The following SLC4A10 variants were observed in gnomAD, a reference collection of about 807,000 sequenced individuals.
SLC4A10 encodes solute carrier family 4 member 10, also known as sodium-driven chloride bicarbonate exchanger.
In SLC4A10, 42 loss-of-function variants were observed where a neutral mutation model predicts 137.7. The observed-to-expected ratio is 0.30, with a 90% CI of 0.24 to 0.39. The LOEUF (loss-of-function observed/expected upper bound fraction) is 0.39. Ranked by LOEUF, SLC4A10 falls within the 10% of genes least tolerant of loss-of-function variation. The pLI is 1.00. For synonymous variants in SLC4A10, 474 were observed against 464.1 expected (o/e 1.02, Z -0.27); for missense variants, 925 against 1,355.0 (o/e 0.68, Z 4.98).
intron 15 of SLC4A10, among the ~76,000 whole-genome samples, chr2:161,920,277 G>A (rs1189846592): frequency 3.9e-5 from 6 of 152,148 alleles, no homozygotes; most frequent in Non-Finnish European, 8.8e-5. Context: ...ACACCCCGGG[G>A]ACCTCATGAC....
intron 1 of SLC4A10, among the ~76,000 whole-genome samples, chr2:161,650,536 G>C (rs1193945035): frequency 6.6e-6 from 1 of 152,100 alleles, no homozygotes; most frequent in Admixed American, 6.5e-5. Flanking sequence ...AGCTGCAGCA[G>C]CCTAGCTGTG....
In SLC4A10 at chr2:161,624,488, C is replaced by G. The variant is rs1350149043; in HGVS notation, c.-31C>G. 3.2e-6 allele frequency: 5 copies of G among 1,551,926 alleles called. No individual in the cohort carries two copies. Among genetic ancestry groups the G allele is most frequent in the Non-Finnish European group, 4.4e-6 (5 of 1,147,178 alleles). On this transcript the variant is annotated 5_prime_UTR_variant, in exon 1 of 27. Transcript: ENST00000446997. The stretch of plus-strand genomic sequence containing the variant: ...GTAAGACACTGAAGACACTGCAGAG[C>G]AAGGTGCTTATTCCAGAGGCGTTAC...
intron 2 of SLC4A10, among the ~76,000 whole-genome samples, chr2:161,774,373 T>A (rs1176612660): frequency 6.6e-6 from 1 of 151,932 alleles, no homozygotes; most frequent in East Asian, 1.9e-4. Flanking sequence ...TATAGGTACA[T>A]CCCATGCAAT....
chr2:161,957,338 G>C, intron 20 of SLC4A10, 98 bp downstream of exon 20: 1 of 1,344,064 alleles, frequency 7.4e-7, no homozygotes, highest in South Asian at 1.5e-5. Context: ...CAAATATTGT[G>C]TGGCATGTGA....
rs759980079 is a variant in SLC4A10, at chr2:161,677,307, C to T, written c.48+52741C>T. Among the ~76,000 whole-genome samples the T allele has an allele frequency of 3.3e-5, 5 of 152,130 alleles. No homozygotes were observed. The South Asian group carries it at 6.2e-4, about 19-fold the overall frequency. On this transcript the variant is annotated intron_variant, in intron 1 of 26. Transcript: ENST00000446997. Reference sequence around the variant, plus strand: ...TCACTGGAAGCAGATGCTGGTGCCACGCTTCTTGTACAGCCTGCAGAACCA... The same window carrying T: ...TCACTGGAAGCAGATGCTGGTGCCATGCTTCTTGTACAGCCTGCAGAACCA...
intron 1 of SLC4A10, among the ~76,000 whole-genome samples, chr2:161,765,646 A>T (rs1427601799): frequency 6.6e-6 from 1 of 151,858 alleles, no homozygotes; most frequent in Admixed American, 6.6e-5. Flanking sequence ...ATGGTGTACA[A>T]GGGTAGATTG....
rs2105363961 is a variant in SLC4A10 at position 161,625,489 on chromosome 2, A to G, written c.48+923A>G. Among the ~76,000 whole-genome samples, 2 of 152,138 alleles carry G rather than the reference A, an allele frequency of 1.3e-5. 1 individual carries two copies. The highest frequency in any genetic ancestry group is 6.8e-3 in the Middle Eastern group (2 of 294). On this transcript the variant is annotated intron_variant, in intron 1 of 26. Coordinates refer to ENST00000446997, the MANE Select transcript of SLC4A10 (RefSeq NM_001178015.2). ...CTTCCAGCCATCTATCAGTGCTACC[A>G]CAGCAGAAATCCCCTCCCTGCACCA...
intron 9 of SLC4A10, among the ~76,000 whole-genome samples, chr2:161,880,193 C>T (rs1397735957): frequency 6.6e-6 from 1 of 152,068 alleles, no homozygotes; most frequent in Non-Finnish European, 1.5e-5. Flanking sequence ...ATGGCTGGTG[C>T]CCTTTGTTTG....
chr2:161,873,927 C>T lies in SLC4A10; in HGVS notation c.870C>T (p.Gly290=). 1.3e-6 allele frequency: 2 copies of T among 1,593,518 alleles called. No individual in the cohort carries two copies. Among genetic ancestry groups the T allele is most frequent in the Non-Finnish European group, 1.7e-6 (2 of 1,177,630 alleles). Residue 290 remains glycine (G), a synonymous_variant, in exon 8 of 27, where the codon GGC becomes GGT. Transcript: ENST00000446997. Reference sequence around the variant, plus strand: ...AATTATGCGTGCAGGGACTGGGAGGCCAACAAAAGGGGCATACTAGTCCAT... The same window carrying T: ...AATTATGCGTGCAGGGACTGGGAGGTCAACAAAAGGGGCATACTAGTCCAT... ...STVDFSKGLG[G]QQKGHTSPCG...
chr2:161,722,578 C>T (rs2125127665), intron 1 of SLC4A10, among the ~76,000 whole-genome samples: 1 of 152,306 alleles, frequency 6.6e-6, no homozygotes, highest in East Asian at 1.9e-4. Flanking sequence ...GAGCACCAAC[C>T]TGATGCTGGC....
intron 9 of SLC4A10, among the ~76,000 whole-genome samples, chr2:161,882,053 G>C (rs2061830285): frequency 6.6e-6 from 1 of 151,320 alleles, no homozygotes; most frequent in Non-Finnish European, 1.5e-5. Context: ...CCTTCTCTAA[G>C]GATCATAGAA....
rs183971144 is a variant in SLC4A10, at chr2:161,960,210, A to G, written c.2862+1655A>G. Among the ~76,000 whole-genome samples the G allele has an allele frequency of 1.1e-4, 17 of 151,970 alleles. No homozygotes were observed. The East Asian group carries it at 3.3e-3, about 30-fold the overall frequency. The stretch of plus-strand genomic sequence containing the variant: ...GAAACCCCATCTCTACTAAAAATAT[A>G]AAAATTATCTGGGCATGGTGGTGGG... On this transcript the variant is annotated intron_variant, in intron 21 of 26. Coordinates refer to ENST00000446997, the MANE Select transcript of SLC4A10 (RefSeq NM_001178015.2).
intron 1 of SLC4A10, among the ~76,000 whole-genome samples, chr2:161,733,231 T>A (rs1051966554): frequency 1.3e-5 from 2 of 152,114 alleles, no homozygotes; most frequent in African/African-American, 4.8e-5. Flanking sequence ...CATCACAGGC[T>A]CAGAAGCCTA....
chr2:161,788,545 A>G (rs2053877487), intron 2 of SLC4A10, among the ~76,000 whole-genome samples: 1 of 152,052 alleles, frequency 6.6e-6, no homozygotes, highest in South Asian at 2.1e-4. Flanking sequence ...GCAGGCAGGA[A>G]TGTGATCCGT....
At chr2:161,798,912 A>C (rs193152129) in intron 2 of SLC4A10, among the ~76,000 whole-genome samples, 4 of 148,634 alleles carry the variant, frequency 2.7e-5, no homozygotes, top group Non-Finnish European at 4.5e-5. Flanking sequence ...ATTCTAGATA[A>C]GGTTTTACAA....
At chr2:161,790,894 A>T (rs1176943087) in intron 2 of SLC4A10, among the ~76,000 whole-genome samples, 4 of 152,216 alleles carry the variant, frequency 2.6e-5, no homozygotes, top group African/African-American at 9.6e-5. Flanking sequence ...CATTAGAGAA[A>T]TGCAAATCAA....
chr2:161,751,773 C>T (rs1249811664), intron 1 of SLC4A10, among the ~76,000 whole-genome samples: 1 of 151,756 alleles, frequency 6.6e-6, no homozygotes, highest in East Asian at 1.9e-4. Context: ...ATATAGGGTC[C>T]TCTTATCCTT....
At chr2:161,950,951 AT>A in intron 19 of SLC4A10, 103 bp downstream of exon 19, 1 of 943,802 alleles carries the variant, frequency 1.1e-6, no homozygotes, top group African/African-American at 1.7e-5. Flanking sequence ...AGTGAAATAT[AT>A]AAAATAATGT....
intron 1 of SLC4A10, among the ~76,000 whole-genome samples, chr2:161,737,824 G>A (rs2047499228): frequency 6.6e-6 from 1 of 151,744 alleles, no homozygotes; most frequent in Non-Finnish European, 1.5e-5. Flanking sequence ...AGATCTCCTT[G>A]ATCTACTTAG....
Sources: allele counts gnomAD v4.1 joint callset (sites outside exome capture counted in the v4.1 genomes callset), GRCh38; gene constraint gnomAD v4.1.1; transcripts MANE v1.5; gene names NCBI Gene and HGNC (gene_info 2026-07-23, HGNC 2026-07-21).